Variants in ABCA10 observed in about 807,000 individuals in gnomAD.
ABCA10 encodes the protein ATP binding cassette subfamily A member 10.
A neutral mutation model predicts 187.5 loss-of-function variants in ABCA10; 169 were observed. The ratio of observed to expected loss-of-function variants is 0.90; its 90% confidence interval spans 0.80 to 1.02. The LOEUF (loss-of-function observed/expected upper bound fraction) is 1.02, where lower values mean the gene tolerates loss of function less well. ABCA10 is among the 50% of genes least tolerant of loss of function. The pLI is 0.00. For synonymous variants in ABCA10, 574 were observed against 601.8 expected, an observed-to-expected ratio of 0.95 and a Z score of 0.68; for missense variants, 1,727 against 1,812.4, an observed-to-expected ratio of 0.95 and a Z score of 0.86.
chr17:69,204,347 G>A (rs530064357), intron 9 of ABCA10, among the ~76,000 whole-genome samples: 1 of 152,280 alleles, frequency 6.6e-6, no homozygotes, highest in East Asian at 1.9e-4. Context: ...TAGAAAGGAA[G>A]AAAATTAAAA....
Position 69,222,664 on chromosome 17 carries a change from G to A in ABCA10, c.68C>T (p.Thr23Ile), listed in dbSNP as rs2074759645. 1 of 1,594,596 alleles carries A rather than the reference G, an allele frequency of 6.3e-7. No homozygotes were observed. The highest frequency in any genetic ancestry group is 8.5e-7 in the Non-Finnish European group (1 of 1,175,284). Residue 23 changes from threonine to isoleucine, a missense_variant, in exon 4 of 39, where the codon ACC becomes ATC. Thr to Ile is a moderately conservative substitution (Grantham distance 89). Transcript: ENST00000690296. ...TTTTTTTGGAAGTTCTATATCCATG[G>A]TCTCTTCATCTGGTGTCCCAATGAC... ...RTVIGTPDEE[T>I]MDIELPKKYH...
chr17:69,213,046 C>T (rs1261279353), intron 9 of ABCA10, among the ~76,000 whole-genome samples: 1 of 152,206 alleles, frequency 6.6e-6, no homozygotes, highest in Non-Finnish European at 1.5e-5. Flanking sequence ...TGGACAGACT[C>T]AGGACCTCTG....
At position 69,148,609 on chromosome 17, in the gene ABCA10, G is replaced by A. The variant is rs1409650209; in HGVS notation, c.*218C>T. On this transcript the variant is annotated 3_prime_UTR_variant, in exon 39 of 39. Transcript: ENST00000690296. ...CACAAAATAGACCCATGTTGGGGAT[G>A]AATAACATGTCTGATTTTGTTAATT... 2 of 485,218 alleles carry A rather than the reference G, an allele frequency of 4.1e-6. No individual in the cohort carries two copies. The highest frequency in any genetic ancestry group is 3.7e-5 in the Admixed American group (1 of 26,766). 30.1% of individuals were successfully genotyped at this position (485,218 alleles called of 1,614,324 possible). A position where few individuals can be genotyped will look rare whatever the true frequency, so the allele number is the denominator to read the frequency against.
At chr17:69,196,088 C>A (rs572342058) in intron 11 of ABCA10, among the ~76,000 whole-genome samples, 5 of 152,166 alleles carry the variant, frequency 3.3e-5, no homozygotes, top group Non-Finnish European at 5.9e-5. Context: ...CCTCCCAGAG[C>A]GGGTGGCGGC....
chr17:69,201,671 A>C lies in ABCA10; in HGVS notation c.1007-3T>G. 6.3e-7 allele frequency: 1 copy of C among 1,592,662 alleles called. No homozygotes were observed. The highest frequency in any genetic ancestry group is 8.5e-7 in the Non-Finnish European group (1 of 1,170,880). ...AGAATCCCCATGGCCATCTTTATCTAATTAATTAAGATACAATTACATATT... is the reference window on the plus strand; with the variant it reads ...AGAATCCCCATGGCCATCTTTATCTCATTAATTAAGATACAATTACATATT... On this transcript the variant is annotated splice_polypyrimidine_tract_variant and splice_region_variant and intron_variant, in intron 9 of 38. Transcript: ENST00000690296.
intron 1 of ABCA10, chr17:69,234,034 A>C (rs976457257): frequency 1.3e-5 from 2 of 153,002 alleles, no homozygotes; most frequent in Non-Finnish European, 2.9e-5. Context: ...CAGGGCTGAG[A>C]CTGGGGACCC....
At chr17:69,200,819 C>T (rs2074538022) in intron 10 of ABCA10, among the ~76,000 whole-genome samples, 1 of 152,120 alleles carries the variant, frequency 6.6e-6, no homozygotes, top group Non-Finnish European at 1.5e-5. Flanking sequence ...CTCAAGCCAT[C>T]CTCCCACGTC....
At position 69,177,955 on chromosome 17, in the gene ABCA10, CAAAA is replaced by C. The variant is rs11320201; in HGVS notation, c.2770-2446_2770-2443del. On this transcript the variant is annotated intron_variant, in intron 22 of 38. Transcript: ENST00000690296. ...TGGGTGACAGAATGAGACTCCATTTCAAAAAAAAAAAAAAAAAAATATATATATA... is the reference window on the plus strand; with the variant it reads ...TGGGTGACAGAATGAGACTCCATTTCAAAAAAAAAAAAAAATATATATATA... 4.8e-3 allele frequency among the ~76,000 whole-genome samples: 313 copies of C among 64,880 alleles called. 6 individuals carry two copies. The highest frequency in any genetic ancestry group is 0.012 in the African/African-American group (232 of 19,274). The allele number at this position is 64,880 out of a possible 152,430, so 42.6% of individuals were successfully genotyped here.
At chr17:69,209,996 C>T (rs1458484482) in intron 9 of ABCA10, among the ~76,000 whole-genome samples, 1 of 151,774 alleles carries the variant, frequency 6.6e-6, no homozygotes, top group African/African-American at 2.4e-5. Context: ...CATGACTGTA[C>T]ATTAGGTTTT....
intron 22 of ABCA10, among the ~76,000 whole-genome samples, chr17:69,178,252 G>A (rs2074352311): frequency 6.6e-6 from 1 of 151,914 alleles, no homozygotes; most frequent in African/African-American, 2.4e-5. Context: ...GTGGGAAAAT[G>A]AGGTTATTAA....
chr17:69,197,009 AGGGAGGGGGAGG>A (rs369822658), intron 11 of ABCA10, 43 bp downstream of exon 11: 4 of 1,109,748 alleles, frequency 3.6e-6, no homozygotes, highest in Non-Finnish European at 5.0e-6. Context: ...CCGTGGACAG[AGGGAGGGGGAGG>A]GGGAGAGGGA....
intron 25 of ABCA10, among the ~76,000 whole-genome samples, chr17:69,172,063 TA>T (rs1319175613): frequency 2.0e-5 from 3 of 151,648 alleles, no homozygotes; most frequent in Non-Finnish European, 4.4e-5. Context: ...AAAATGTTAA[TA>T]AAAATGCTTA....
At chr17:69,223,408 G>T (rs2074766812) in intron 3 of ABCA10, among the ~76,000 whole-genome samples, 1 of 152,158 alleles carries the variant, frequency 6.6e-6, no homozygotes. Context: ...ATAGTAATCA[G>T]TGCATAAATG....
At position 69,152,355 on chromosome 17, in the gene ABCA10, C is replaced by T; in HGVS notation, c.4256+7G>A. 6.2e-7 allele frequency: 1 copy of T among 1,612,578 alleles called. No homozygotes were observed. The highest frequency in any genetic ancestry group is 8.5e-7 in the Non-Finnish European group (1 of 1,179,318). Reference sequence around the variant, plus strand: ...CTAGTCCCATGCTGGTCAGGACAGGCACCCACCTTAGCGTTCCTGACACCA... The same window carrying T: ...CTAGTCCCATGCTGGTCAGGACAGGTACCCACCTTAGCGTTCCTGACACCA... On this transcript the variant is annotated splice_region_variant and intron_variant, in intron 35 of 38. Coordinates refer to ENST00000690296, the MANE Select transcript of ABCA10 (RefSeq NM_001377321.1).
rs1568061934 is a variant in ABCA10 at position 69,190,355 on chromosome 17, T to C, written c.2131+3A>G. 6 of 1,548,436 alleles carry C rather than the reference T, an allele frequency of 3.9e-6. 1 individual carries two copies. The highest frequency in any genetic ancestry group is 3.4e-4 in the Middle Eastern group (2 of 5,868). On this transcript the variant is annotated splice_donor_region_variant and intron_variant, in intron 18 of 38. Transcript: ENST00000690296. ...ATTTTCTGCTAGACACACATTTTTATACCTGGTTCATCAATTGCTGATTTT... is the reference window on the plus strand; with the variant it reads ...ATTTTCTGCTAGACACACATTTTTACACCTGGTTCATCAATTGCTGATTTT...
At chr17:69,190,303 T>C in intron 18 of ABCA10, 55 bp downstream of exon 18, 1 of 1,490,294 alleles carries the variant, frequency 6.7e-7, no homozygotes. Flanking sequence ...TAGAACATCA[T>C]CTTTTTCTCT....
At chr17:69,203,004 G>C (rs543495952) in intron 9 of ABCA10, among the ~76,000 whole-genome samples, 1 of 152,258 alleles carries the variant, frequency 6.6e-6, no homozygotes, top group East Asian at 1.9e-4. Flanking sequence ...TAGGGGGATG[G>C]AGCTGAGCAA....
Position 69,153,295 on chromosome 17 carries a change from C to T in ABCA10, c.4136+10G>A. The T allele has an allele frequency of 6.3e-7, 1 of 1,595,098 alleles. No individual in the cohort carries two copies. Among genetic ancestry groups the T allele is most frequent in the African/African-American group, 1.4e-5 (1 of 73,944 alleles). ...TCTTGACTCTGACACTTAATATTCA[C>T]TCTCCTTACCACATTTGCTGCTGCC... On this transcript the variant is annotated intron_variant, in intron 34 of 38. Transcript: ENST00000690296.
chr17:69,179,596 A>T (rs1036657226), intron 22 of ABCA10, among the ~76,000 whole-genome samples: 29 of 149,758 alleles, frequency 1.9e-4, no homozygotes, highest in African/African-American at 6.8e-4. Flanking sequence ...CACTGGGGAA[A>T]AGAAAGGAGG....
Sources: gnomAD v4.1 joint callset for allele counts (sites outside exome capture counted in the v4.1 genomes callset) on GRCh38, gnomAD v4.1.1 for gene constraint, MANE v1.5 for transcripts, NCBI Gene and HGNC (gene_info 2026-07-23, HGNC 2026-07-21) for gene names.